HEMGN: variants seen among roughly 807,000 people sequenced by gnomAD.
HEMGN encodes hemogen.
In HEMGN, 32 loss-of-function variants were observed where a neutral mutation model predicts 45.7. That is an observed-to-expected ratio of 0.70 (90% CI 0.53 to 0.94). HEMGN has a LOEUF of 0.94. Ranked by LOEUF, HEMGN falls within the 40% of genes least tolerant of loss-of-function variation. The pLI is 0.00. For synonymous variants in HEMGN, 183 were observed against 178.6 expected (o/e 1.02, Z -0.20); for missense variants, 530 against 564.2 (o/e 0.94, Z 0.61).
chr9:97,936,175 A>G lies in HEMGN; in HGVS notation c.169T>C (p.Phe57Leu). 1.2e-6 allele frequency: 2 copies of G among 1,606,084 alleles called. No homozygotes were observed. Among genetic ancestry groups the G allele is most frequent in the Non-Finnish European group, 1.7e-6 (2 of 1,172,806 alleles). ...VHEKETSQWL[F>L]GEQKKRKQQR... is the part of the protein sequence containing the mutation. ...TCCCTTGTGATGCTACCATACCCAA[A>G]TAGCCATTGTGATGTTTCCTTTTCA... Residue 57 changes from phenylalanine (F) to leucine (L), a missense_variant, in exon 2 of 4, where the codon TTT becomes CTT. Transcript: ENST00000616898.
At position 97,936,052 on chromosome 9, in the gene HEMGN, G is replaced by A. The variant is rs1363452020; in HGVS notation, c.173+119C>T. On this transcript the variant is annotated intron_variant, in intron 2 of 3. Coordinates refer to ENST00000616898, the MANE Select transcript of HEMGN (RefSeq NM_197978.3). Reference sequence around the variant, plus strand: ...TTTTCTGTAAAATAGGGATAACCATGTCTGATTTACAGGATTGTTGGAAAG... The same window carrying A: ...TTTTCTGTAAAATAGGGATAACCATATCTGATTTACAGGATTGTTGGAAAG... The A allele has an allele frequency of 1.1e-5, 8 of 719,054 alleles. No individual in the cohort carries two copies. In the South Asian group the frequency reaches 1.4e-4, roughly 13 times the overall value. The allele number at this position is 719,054 out of a possible 1,614,324, so 44.5% of individuals were successfully genotyped here. A position where few individuals can be genotyped will look rare whatever the true frequency, so the allele number is the denominator to read the frequency against.
At chr9:97,939,202 C>T (rs1827116412), upstream of HEMGN, among the ~76,000 whole-genome samples, 1 of 152,086 alleles carries the variant, frequency 6.6e-6, no homozygotes, top group Admixed American at 6.6e-5. Flanking sequence ...GGTTAGATAG[C>T]CTTGGAGTCA....
chr9:97,943,321 G>T (rs1259942769), intron 1 of HEMGN, among the ~76,000 whole-genome samples: 1 of 152,128 alleles, frequency 6.6e-6, no homozygotes, highest in Non-Finnish European at 1.5e-5. Flanking sequence ...GTTTTTCTTA[G>T]CATTCCTTCC....
At position 97,930,800 on chromosome 9, in the gene HEMGN, C is replaced by A. The variant is rs554987978; in HGVS notation, c.595G>T (p.Asp199Tyr). ...ACTTGGCATGTGTTAGGAGAGTTGT[C>A]TTCAGGTTCCTTCATGTCTTGGCAT... The part of the protein sequence containing the change: ...KICQDMKEPE[D>Y]NSPNTCQVIS... The change falls in exon 3 of 4, where the codon GAC becomes TAC. Residue 199 changes from aspartate to tyrosine, a missense_variant. Physicochemically the swap from Asp to Tyr is radical, Grantham distance 160 (BLOSUM62 -3). Coordinates refer to ENST00000616898, the MANE Select transcript of HEMGN (RefSeq NM_197978.3). The A allele has an allele frequency of 6.2e-7, 1 of 1,614,142 alleles. No homozygotes were observed. The highest frequency in any genetic ancestry group is 1.1e-5 in the South Asian group (1 of 91,082).
chr9:97,933,285 A>C (rs778962579), intron 2 of HEMGN, among the ~76,000 whole-genome samples: 3 of 152,228 alleles, frequency 2.0e-5, no homozygotes, highest in Non-Finnish European at 4.4e-5. Context: ...TACAGGAAAC[A>C]CTTATAGTGC....
intron 3 of HEMGN, 59 bp downstream of exon 3, chr9:97,929,976 G>C: frequency 8.0e-6 from 10 of 1,250,544 alleles, no homozygotes; most frequent in Non-Finnish European, 1.1e-5. Context: ...GTCAGAGAAA[G>C]TTGTAAATCA....
At chr9:97,935,003 T>C (rs899876279) in intron 2 of HEMGN, among the ~76,000 whole-genome samples, 5 of 152,216 alleles carry the variant, frequency 3.3e-5, no homozygotes, top group Admixed American at 6.5e-5. Context: ...TGTGCCTCTC[T>C]GAGGAGGGAA....
upstream of HEMGN, among the ~76,000 whole-genome samples, chr9:97,939,466 C>T (rs1163683418): frequency 6.6e-6 from 1 of 152,184 alleles, no homozygotes; most frequent in African/African-American, 2.4e-5. Context: ...TAGATACCCA[C>T]TACTTCCATG....
intron 3 of HEMGN, 77 bp downstream of exon 3, chr9:97,929,958 C>G: frequency 2.8e-6 from 3 of 1,060,372 alleles, no homozygotes; most frequent in Non-Finnish European, 4.2e-6. Context: ...CAGGGAATAC[C>G]CAGGATTGTC....
At chr9:97,935,534 T>C (rs1827042278) in intron 2 of HEMGN, among the ~76,000 whole-genome samples, 1 of 152,190 alleles carries the variant, frequency 6.6e-6, no homozygotes, top group African/African-American at 2.4e-5. Flanking sequence ...GGAGACACTT[T>C]GGCTTAGATG....
intron 2 of HEMGN, 117 bp downstream of exon 2, chr9:97,936,054 C>A: frequency 1.4e-6 from 1 of 728,376 alleles, no homozygotes; most frequent in East Asian, 2.6e-5. Context: ...ATAACCATGT[C>A]TGATTTACAG....
At chr9:97,934,407 G>GAGAGGGT (rs1827016268) in intron 2 of HEMGN, among the ~76,000 whole-genome samples, 1 of 130,532 alleles carries the variant, frequency 7.7e-6, no homozygotes, top group Non-Finnish European at 1.6e-5. Context: ...GAGGAGAGGG[G>GAGAGGGT]AGGAGAGAGG....
At chr9:97,939,738 A>G (rs896084242), upstream of HEMGN, among the ~76,000 whole-genome samples, 1 of 152,190 alleles carries the variant, frequency 6.6e-6, no homozygotes. Flanking sequence ...AGAATGATAT[A>G]ACAAACACCC....
chr9:97,930,225 C>T lies in HEMGN; in HGVS notation c.1170G>A (p.Gln390=), dbSNP rs1255218448. The change falls in exon 3 of 4, where the codon CAG becomes CAA. Residue 390 remains glutamine, a synonymous_variant. Coordinates refer to ENST00000616898, the MANE Select transcript of HEMGN (RefSeq NM_197978.3). ...YSPEIYQETS[Q]LEEYSPEIYQ... is the part of the protein sequence containing the mutation. The stretch of plus-strand genomic sequence containing the variant: ...ATATTTCAGGTGAATATTCTTCAAG[C>T]TGGGATGTTTCTTGGTATATTTCAG... 2 of 1,614,108 alleles carry T rather than the reference C, an allele frequency of 1.2e-6. No homozygotes were observed. Among genetic ancestry groups the T allele is most frequent in the South Asian group, 1.1e-5 (1 of 91,074 alleles).
Position 97,927,399 on chromosome 9 carries a change from A to G in HEMGN, c.1440T>C (p.Ser480=), listed in dbSNP as rs763999120. ...NESHPENDVY[S]YVLF is the part of the protein sequence containing the mutation. ...TTGAGCATTGTTAAAACAAAACATA[A>G]CTATAGACATCATTTTCTGGATGAC... The change falls in exon 4 of 4, where the codon AGT becomes AGC. Residue 480 remains serine, a synonymous_variant. Transcript: ENST00000616898. The G allele has an allele frequency of 6.2e-7, 1 of 1,600,494 alleles. No homozygotes were observed. Among genetic ancestry groups the G allele is most frequent in the Admixed American group, 1.7e-5 (1 of 59,858 alleles).
intron 1 of HEMGN, 54 bp downstream of exon 1, chr9:97,938,004 T>C: frequency 9.7e-7 from 1 of 1,033,514 alleles, no homozygotes; most frequent in East Asian, 2.5e-5. Context: ...GAGAAAATTA[T>C]CATACCCCGA....
intron 2 of HEMGN, among the ~76,000 whole-genome samples, chr9:97,934,127 A>G: frequency 6.6e-6 from 1 of 152,240 alleles, no homozygotes; most frequent in Admixed American, 6.5e-5. Flanking sequence ...TGGGCGAATC[A>G]CTTGAAGCCA....
chr9:97,929,333 A>G lies in HEMGN; in HGVS notation c.1360+702T>C, dbSNP rs558252576. Among the ~76,000 whole-genome samples, 4 of 152,316 alleles carry G rather than the reference A, an allele frequency of 2.6e-5. No individual in the cohort carries two copies. In the East Asian group the frequency reaches 7.7e-4, roughly 29 times the overall value. ...CATCTTTTAGGATAAAGAGCAAGTA[A>G]ACTACTAAAGGGATTTCTTTAGAAA... On this transcript the variant is annotated intron_variant, in intron 3 of 3. Transcript: ENST00000616898.
At chr9:97,939,850 G>A (rs1278092102), upstream of HEMGN, among the ~76,000 whole-genome samples, 2 of 152,242 alleles carry the variant, frequency 1.3e-5, no homozygotes, top group East Asian at 3.9e-4. Flanking sequence ...GTAAATCTCT[G>A]TATCTAAAAG....
Sources: gnomAD v4.1 joint callset for allele counts (sites outside exome capture counted in the v4.1 genomes callset) on GRCh38, gnomAD v4.1.1 for gene constraint, MANE v1.5 for transcripts, NCBI Gene and HGNC (gene_info 2026-07-23, HGNC 2026-07-21) for gene names.